Variants in WDFY1 observed in about 807,000 individuals in gnomAD.
WDFY1 encodes the protein WD repeat and FYVE domain-containing protein 1.
In WDFY1, 32 loss-of-function variants were observed where a neutral mutation model predicts 56.4. That is an observed-to-expected ratio of 0.57 (90% CI 0.43 to 0.76). The LOEUF is 0.76. Among genes scored for constraint, WDFY1 ranks in the 30% least tolerant of loss-of-function variants. The pLI is 0.00. For missense variants in WDFY1, 480 were observed against 545.7 expected (o/e 0.88, Z 1.20); for synonymous variants, 192 against 197.3 (o/e 0.97, Z 0.23).
intron 1 of WDFY1, among the ~76,000 whole-genome samples, chr2:223,937,381 G>C (rs562907419): frequency 6.6e-6 from 1 of 152,144 alleles, no homozygotes; most frequent in African/African-American, 2.4e-5. Flanking sequence ...CTTGTATAGT[G>C]CTTTCTCTGT....
chr2:223,921,814 G>A (rs922337520), intron 1 of WDFY1, among the ~76,000 whole-genome samples: 73 of 152,122 alleles, frequency 4.8e-4, no homozygotes, highest in African/African-American at 1.5e-3. Context: ...AGAATTAAAC[G>A]ATAATTCCCA....
intron 1 of WDFY1, among the ~76,000 whole-genome samples, chr2:223,929,434 C>T (rs1694040353): frequency 6.6e-6 from 1 of 151,970 alleles, no homozygotes; most frequent in Non-Finnish European, 1.5e-5. Context: ...GTGATCTGCC[C>T]ACCTCGATCT....
chr2:223,908,931 C>T (rs1574769633), intron 3 of WDFY1, among the ~76,000 whole-genome samples: 1 of 152,286 alleles, frequency 6.6e-6, no homozygotes, highest in South Asian at 2.1e-4. Context: ...GTTCTTGAGG[C>T]CACAGCCTCT....
intron 5 of WDFY1, among the ~76,000 whole-genome samples, chr2:223,900,165 G>A (rs7605898): frequency 1.3e-3 from 199 of 152,178 alleles, no homozygotes; most frequent in African/African-American, 4.6e-3. Context: ...TCCAAAACAC[G>A]GGTCAAAAAG....
chr2:223,894,374 A>T lies in WDFY1; in HGVS notation c.726-35T>A, dbSNP rs764290486. On this transcript the variant is annotated intron_variant, in intron 7 of 11. Coordinates refer to ENST00000233055, the MANE Select transcript of WDFY1 (RefSeq NM_020830.5). ...GCACACACAACAGTCACTTGTCTCC[A>T]TGCGGAAAAACACAGGAACTGTCTT... 3 of 1,608,698 alleles carry T rather than the reference A, an allele frequency of 1.9e-6. No homozygotes were observed. The South Asian group carries it at 3.3e-5, about 18-fold the overall frequency.
intron 1 of WDFY1, 149 bp downstream of exon 1, chr2:223,944,999 C>G: frequency 1.1e-6 from 1 of 941,796 alleles, no homozygotes; most frequent in Non-Finnish European, 1.5e-6. Context: ...GAACCGGGAA[C>G]CCGGCGGAGC....
chr2:223,900,565 C>T (rs555621550), intron 5 of WDFY1, among the ~76,000 whole-genome samples: 36 of 151,830 alleles, frequency 2.4e-4, no homozygotes, highest in Non-Finnish European at 4.1e-4. Flanking sequence ...TTTTTTAGGC[C>T]GTGATTTTTA....
chr2:223,893,372 A>G (rs76424692), intron 8 of WDFY1, among the ~76,000 whole-genome samples: 1 of 151,452 alleles, frequency 6.6e-6, no homozygotes, highest in Non-Finnish European at 1.5e-5. Flanking sequence ...AAAAAAAAAA[A>G]TTGAAAAATA....
intron 4 of WDFY1, among the ~76,000 whole-genome samples, chr2:223,902,562 C>T (rs1471480006): frequency 6.6e-6 from 1 of 152,048 alleles, no homozygotes; most frequent in Non-Finnish European, 1.5e-5. Flanking sequence ...GAGACCCTGT[C>T]TCTAATTAAA....
intron 1 of WDFY1, among the ~76,000 whole-genome samples, chr2:223,918,986 T>C (rs905453381): frequency 2.6e-5 from 4 of 152,112 alleles, no homozygotes; most frequent in Non-Finnish European, 5.9e-5. Context: ...ACGACCAAAA[T>C]AGCCAAAGTT....
Position 223,921,557 on chromosome 2 carries a change from A to G in WDFY1, c.138-3547T>C, listed in dbSNP as rs562731360. On this transcript the variant is annotated intron_variant, in intron 1 of 11. Transcript: ENST00000233055. ...GTAGACTTACTTAAATCCTAATTCA[A>G]ACTAAAAGATATGTATAGATATTTG... is the stretch of plus-strand genomic sequence containing the variant. Among the ~76,000 whole-genome samples, 13 of 152,350 alleles carry G rather than the reference A, an allele frequency of 8.5e-5. No individual in the cohort carries two copies. The South Asian group carries it at 1.4e-3, about 17-fold the overall frequency.
intron 8 of WDFY1, among the ~76,000 whole-genome samples, chr2:223,886,311 T>A (rs1041822759): frequency 6.6e-6 from 1 of 151,546 alleles, no homozygotes; most frequent in African/African-American, 2.4e-5. Context: ...TGCACCCTAG[T>A]CTGGGCGACA....
At chr2:223,881,878 A>G (rs1323379807) in intron 10 of WDFY1, 64 bp downstream of exon 10, 18 of 1,583,034 alleles carry the variant, frequency 1.1e-5, no homozygotes, top group South Asian at 2.3e-5. Flanking sequence ...AGCTCTTCAC[A>G]TTTCAGAGAA....
chr2:223,945,109 C>G, intron 1 of WDFY1, 39 bp downstream of exon 1: 1 of 1,550,706 alleles, frequency 6.4e-7, no homozygotes. Context: ...ACCCCGTCGT[C>G]GCGGAGTTCG....
chr2:223,918,882 G>A (rs1250670751), intron 1 of WDFY1, among the ~76,000 whole-genome samples: 1 of 152,172 alleles, frequency 6.6e-6, no homozygotes, highest in Non-Finnish European at 1.5e-5. Context: ...GCTCCCCAGA[G>A]GAAATCATTC....
intron 1 of WDFY1, among the ~76,000 whole-genome samples, chr2:223,943,726 A>G (rs1356632244): frequency 6.6e-6 from 1 of 152,238 alleles, no homozygotes; most frequent in African/African-American, 2.4e-5. Flanking sequence ...GAAAGACGCT[A>G]AAGTTTAAAG....
chr2:223,898,939 G>C lies in WDFY1; in HGVS notation c.598+19C>G, dbSNP rs746444547. 6.9e-6 allele frequency: 11 copies of C among 1,605,036 alleles called. No individual in the cohort carries two copies. Among genetic ancestry groups the C allele is most frequent in the Admixed American group, 5.0e-5 (3 of 59,930 alleles). On this transcript the variant is annotated intron_variant, in intron 6 of 11. Transcript: ENST00000233055. ...TCCAAGTTAGGCAAAAAAAACTCTT[G>C]GGTGATAATATAGCCTACCTTCATG...
intron 5 of WDFY1, among the ~76,000 whole-genome samples, chr2:223,900,065 G>A (rs141785462): frequency 5.3e-4 from 80 of 152,250 alleles, no homozygotes; most frequent in African/African-American, 1.8e-3. Flanking sequence ...TGTGGTCATA[G>A]ATATTTGTGG....
rs921219161 is a variant in WDFY1 at position 223,880,363 on chromosome 2, T to C, written c.1065-131A>G. ...GGCTCATGTCTGTACCCCCAGCACT[T>C]TGGGAGGCCGAGACGGGTGGATCAC... On this transcript the variant is annotated intron_variant, in intron 10 of 11. Transcript: ENST00000233055. The C allele has an allele frequency of 9.7e-6, 7 of 720,822 alleles. No individual in the cohort carries two copies. The Admixed American group carries it at 1.7e-4, about 17-fold the overall frequency. The allele number at this position is 720,822 out of a possible 1,614,324, so 44.7% of individuals were successfully genotyped here.
Sources: allele counts gnomAD v4.1 joint callset (sites outside exome capture counted in the v4.1 genomes callset), GRCh38; gene constraint gnomAD v4.1.1; transcripts MANE v1.5; gene names NCBI Gene and HGNC (gene_info 2026-07-23, HGNC 2026-07-21).